The following CLDN10 variants were observed in gnomAD, a reference collection of about 807,000 sequenced individuals.
The protein encoded by CLDN10 is claudin-10.
CLDN10 carries 15 observed loss-of-function variants against 22.9 expected under a neutral mutation model. The ratio of observed to expected loss-of-function variants is 0.65; its 90% CI spans 0.44 to 1.01. The LOEUF (loss-of-function observed/expected upper bound fraction) is 1.01, where lower values mean the gene tolerates loss of function less well. Ranked by LOEUF, CLDN10 falls within the 50% of genes least tolerant of loss-of-function variation. The pLI is 0.00. For synonymous variants in CLDN10, 114 were observed against 111.4 expected (o/e 1.02, Z -0.15); for missense variants, 247 against 287.8 (o/e 0.86, Z 1.03).
intron 1 of CLDN10, among the ~76,000 whole-genome samples, chr13:95,437,004 C>A (rs1396722913): frequency 6.6e-6 from 1 of 152,036 alleles, no homozygotes; most frequent in Non-Finnish European, 1.5e-5. Context: ...CCAGATTAAA[C>A]CTCCTCTAAG....
intron 1 of CLDN10, among the ~76,000 whole-genome samples, chr13:95,473,911 A>T (rs1439175496): frequency 1.3e-5 from 2 of 152,272 alleles, no homozygotes; most frequent in Non-Finnish European, 2.9e-5. Flanking sequence ...GAAATAAAAA[A>T]TAAAGTATTA....
intron 3 of CLDN10, among the ~76,000 whole-genome samples, chr13:95,570,858 G>GTGTGTATATATA (rs60359070): frequency 4.2e-5 from 5 of 119,726 alleles, no homozygotes; most frequent in African/African-American, 1.4e-4. Context: ...ATATACGTGT[G>GTGTGTATATATA]TATATATATA....
intron 1 of CLDN10, among the ~76,000 whole-genome samples, chr13:95,503,536 A>C (rs1175774916): frequency 1.3e-5 from 2 of 152,208 alleles, no homozygotes; most frequent in Non-Finnish European, 2.9e-5. Flanking sequence ...AGATATTTGT[A>C]CACCCATGTT....
intron 4 of CLDN10, among the ~76,000 whole-genome samples, chr13:95,577,699 G>A (rs1364139358): frequency 6.6e-6 from 1 of 152,190 alleles, no homozygotes; most frequent in Non-Finnish European, 1.5e-5. Flanking sequence ...CAAGTCATGA[G>A]TTTCTTCTGC....
intron 1 of CLDN10, among the ~76,000 whole-genome samples, chr13:95,555,183 T>A (rs1219074682): frequency 2.0e-5 from 3 of 151,936 alleles, no homozygotes; most frequent in Non-Finnish European, 4.4e-5. Flanking sequence ...CCCAAGTAGC[T>A]GGGATTACAG....
At chr13:95,494,943 TG>T (rs1351015585) in intron 1 of CLDN10, among the ~76,000 whole-genome samples, 2 of 152,090 alleles carry the variant, frequency 1.3e-5, no homozygotes, top group East Asian at 3.9e-4. Context: ...ACTAACTGCT[TG>T]GTAAAATTAA....
At position 95,495,043 on chromosome 13, in the gene CLDN10, A is replaced by ATTAATTTT. The variant is rs747605780; in HGVS notation, c.214+60998_214+60999insAATTTTTT. On this transcript the variant is annotated intron_variant, in intron 1 of 4. Transcript: ENST00000376873. ...ATATAATTAATTAATTAATTAATTA[A>ATTAATTTT]TTTTTTTTTTTAGATGGAGTCTCTC... Among the ~76,000 whole-genome samples the ATTAATTTT allele has an allele frequency of 2.1e-5, 3 of 146,090 alleles. No homozygotes were observed. In the Admixed American group the frequency reaches 2.1e-4, roughly 10 times the overall value.
chr13:95,461,376 G>C (rs1365653265), intron 1 of CLDN10, among the ~76,000 whole-genome samples: 3 of 152,210 alleles, frequency 2.0e-5, no homozygotes, highest in Non-Finnish European at 4.4e-5. Flanking sequence ...TTCAGGAGAG[G>C]AAAGAACAGA....
At chr13:95,516,005 C>T (rs1368087735) in intron 1 of CLDN10, among the ~76,000 whole-genome samples, 2 of 151,340 alleles carry the variant, frequency 1.3e-5, no homozygotes, top group African/African-American at 2.4e-5. Flanking sequence ...ACCCCAGAGG[C>T]GGAGGTTGCA....
intron 1 of CLDN10, among the ~76,000 whole-genome samples, chr13:95,530,675 T>A (rs1278905325): frequency 1.3e-5 from 2 of 152,224 alleles, no homozygotes; most frequent in Non-Finnish European, 2.9e-5. Flanking sequence ...ACATCTTGTG[T>A]TTATCAACTA....
At chr13:95,474,002 C>T (rs575732249) in intron 1 of CLDN10, among the ~76,000 whole-genome samples, 11 of 152,242 alleles carry the variant, frequency 7.2e-5, no homozygotes, top group South Asian at 4.2e-4. Flanking sequence ...TTTCCACGGA[C>T]GGGGGTCGCA....
rs60870781 is a variant in CLDN10 at position 95,487,980 on chromosome 13, A to ATT, written c.214+53940_214+53941dup. ...GGCATGAGCCACTGAGCCTGGCCTA[A>ATT]TTTTTTTTCTTTTCTCTTTTTTTGA... is the stretch of plus-strand genomic sequence containing the variant. On this transcript the variant is annotated intron_variant, in intron 1 of 4. Coordinates refer to the CLDN10 transcript ENST00000376873. Among the ~76,000 whole-genome samples the ATT allele has an allele frequency of 1.2e-3, 183 of 149,770 alleles. 1 individual carries two copies. Among genetic ancestry groups the ATT allele is most frequent in the African/African-American group, 4.3e-3 (176 of 40,636 alleles).
At chr13:95,502,622 C>T (rs1290690649) in intron 1 of CLDN10, among the ~76,000 whole-genome samples, 2 of 152,308 alleles carry the variant, frequency 1.3e-5, no homozygotes, top group East Asian at 1.9e-4. Flanking sequence ...CAGGTTCATG[C>T]GATTCTCCTG....
At chr13:95,555,673 C>A (rs902381525) in intron 1 of CLDN10, among the ~76,000 whole-genome samples, 1 of 152,048 alleles carries the variant, frequency 6.6e-6, no homozygotes, top group Non-Finnish European at 1.5e-5. Flanking sequence ...CATTTCTTAC[C>A]GCAAAACAAA....
chr13:95,435,991 T>C (rs1044345646), intron 1 of CLDN10, among the ~76,000 whole-genome samples: 83 of 151,854 alleles, frequency 5.5e-4, no homozygotes, highest in Admixed American at 3.6e-3. Flanking sequence ...ATTGTCTTAA[T>C]ATGTTTCATT....
chr13:95,522,334 C>T (rs1352246710), intron 1 of CLDN10, among the ~76,000 whole-genome samples: 2 of 151,908 alleles, frequency 1.3e-5, no homozygotes, highest in Admixed American at 1.3e-4. Context: ...TATTATCATT[C>T]AGTATAAAAT....
chr13:95,574,239 T>C (rs1044646653), intron 3 of CLDN10, among the ~76,000 whole-genome samples: 2 of 152,168 alleles, frequency 1.3e-5, no homozygotes, highest in Admixed American at 6.5e-5. Context: ...AAAGTCACTG[T>C]TGAGTAAGTC....
chr13:95,550,210 T>C (rs1042394051), upstream of CLDN10, among the ~76,000 whole-genome samples: 4 of 152,242 alleles, frequency 2.6e-5, no homozygotes, highest in African/African-American at 4.8e-5. Context: ...TCTGGGCTTA[T>C]GGATTTTTGA....
chr13:95,534,821 C>T (rs1004366143), intron 1 of CLDN10, among the ~76,000 whole-genome samples: 1 of 151,902 alleles, frequency 6.6e-6, no homozygotes, highest in African/African-American at 2.4e-5. Context: ...ATTCAATAAA[C>T]GGTAGCCAAT....
Sources: allele counts gnomAD v4.1 joint callset (sites outside exome capture counted in the v4.1 genomes callset), GRCh38; gene constraint gnomAD v4.1.1; transcripts MANE v1.5; gene names NCBI Gene and HGNC (gene_info 2026-07-23, HGNC 2026-07-21).